SOX5: variants seen among roughly 807,000 people sequenced by gnomAD.
SOX5 encodes the protein transcription factor SOX-5.
SOX5 carries 9 observed loss-of-function variants against 92.0 expected under a neutral mutation model. That is an observed-to-expected ratio of 0.10 (90% CI 0.06 to 0.17). The LOEUF (loss-of-function observed/expected upper bound fraction) is 0.17, where lower values mean the gene tolerates loss of function less well. Among genes scored for constraint, SOX5 ranks in the 10% least tolerant of loss-of-function variants. The pLI is 1.00. For missense variants in SOX5, 642 were observed against 944.5 expected (o/e 0.68, Z 4.20); for synonymous variants, 344 against 336.3 (o/e 1.02, Z -0.25).
intron 8 of SOX5, among the ~76,000 whole-genome samples, chr12:23,613,716 T>C (rs1028944205): frequency 6.6e-6 from 1 of 152,198 alleles, no homozygotes; most frequent in Non-Finnish European, 1.5e-5. Flanking sequence ...TGGTACAACA[T>C]GGATAAACCT....
rs143813930 is a variant in SOX5 at position 24,254,089 on chromosome 12, C to T, written c.-77+23127G>A. 3.7e-3 allele frequency among the ~76,000 whole-genome samples: 557 copies of T among 152,224 alleles called. 8 individuals carry two copies. The highest frequency in any genetic ancestry group is 0.013 in the African/African-American group (536 of 41,546). ...ACATCATCATCATCATCCATTGCTT[C>T]GAAAGCTACAGTTTAGGTGTTGTCA... On this transcript the variant is annotated intron_variant, in intron 3 of 4. Transcript: ENST00000446891.
intron 1 of SOX5, among the ~76,000 whole-genome samples, chr12:23,922,548 T>C (rs577438798): frequency 1.6e-3 from 242 of 152,358 alleles, no homozygotes; most frequent in Non-Finnish European, 1.3e-3. Context: ...CTCTCTGATT[T>C]ACTATATTTT....
chr12:24,562,356 C>G (rs987925328), exon 1 of SOX5: 1 of 152,412 alleles, frequency 6.6e-6, no homozygotes, highest in Non-Finnish European at 1.5e-5. Flanking sequence ...GTTAATGCCT[C>G]CTCCGGCGTG....
intron 4 of SOX5, among the ~76,000 whole-genome samples, chr12:24,154,918 G>A (rs747660991): frequency 6.6e-6 from 1 of 152,042 alleles, no homozygotes; most frequent in Non-Finnish European, 1.5e-5. Context: ...CTTGTCAGAG[G>A]ATTATAAAAG....
chr12:24,228,979 G>T (rs1189336943), intron 3 of SOX5, among the ~76,000 whole-genome samples: 3 of 152,156 alleles, frequency 2.0e-5, no homozygotes, highest in Non-Finnish European at 4.4e-5. Context: ...ACAACAAAGT[G>T]CAAGACCCAT....
intron 2 of SOX5, among the ~76,000 whole-genome samples, chr12:24,351,370 A>G (rs1954069505): frequency 1.3e-5 from 2 of 152,226 alleles, no homozygotes; most frequent in African/African-American, 2.4e-5. Context: ...AAATTATCGA[A>G]TATCTCTATC....
chr12:24,259,290 T>A (rs1018420179), intron 3 of SOX5, among the ~76,000 whole-genome samples: 2 of 152,016 alleles, frequency 1.3e-5, no homozygotes, highest in African/African-American at 4.8e-5. Context: ...AGATTAGGTA[T>A]TCTCAGGCAC....
chr12:24,356,898 A>G (rs1954902185), intron 2 of SOX5, among the ~76,000 whole-genome samples: 1 of 152,232 alleles, frequency 6.6e-6, no homozygotes. Flanking sequence ...CTATTAACCA[A>G]TGAAGAGTTT....
chr12:23,906,171 T>C (rs375875083), intron 1 of SOX5, among the ~76,000 whole-genome samples: 20 of 152,212 alleles, frequency 1.3e-4, no homozygotes, highest in African/African-American at 4.8e-4. Flanking sequence ...CATTTGTCAT[T>C]AATCGCAAAC....
intron 2 of SOX5, among the ~76,000 whole-genome samples, chr12:24,279,135 C>G (rs980595281): frequency 6.6e-6 from 1 of 152,006 alleles, no homozygotes; most frequent in Non-Finnish European, 1.5e-5. Context: ...ATCTTTATGT[C>G]AAGTCAAATT....
intron 1 of SOX5, among the ~76,000 whole-genome samples, chr12:24,505,236 G>A (rs1948605761): frequency 6.6e-6 from 1 of 152,042 alleles, no homozygotes; most frequent in South Asian, 2.1e-4. Flanking sequence ...ATCAGTATTG[G>A]GCTCAACAGA....
intron 2 of SOX5, among the ~76,000 whole-genome samples, chr12:24,354,816 A>G (rs1263050533): frequency 1.3e-5 from 2 of 152,194 alleles, no homozygotes; most frequent in African/African-American, 2.4e-5. Context: ...TAAAGGGCGG[A>G]GCAGTACATT....
chr12:23,861,279 G>A (rs966398850), intron 2 of SOX5, among the ~76,000 whole-genome samples: 1 of 152,126 alleles, frequency 6.6e-6, no homozygotes, highest in Non-Finnish European at 1.5e-5. Context: ...AATGAAATGT[G>A]TCAATATAAA....
chr12:24,526,663 T>C (rs1315003354), intron 1 of SOX5, among the ~76,000 whole-genome samples: 1 of 152,048 alleles, frequency 6.6e-6, no homozygotes, highest in East Asian at 1.9e-4. Context: ...CTCTCTCCCA[T>C]CACTGGGCCC....
chr12:24,434,182 C>T (rs1351809126), intron 1 of SOX5, among the ~76,000 whole-genome samples: 1 of 151,952 alleles, frequency 6.6e-6, no homozygotes, highest in Non-Finnish European at 1.5e-5. Flanking sequence ...CATATTAGTA[C>T]AAATGACATC....
chr12:24,427,207 T>C (rs1182697635), intron 1 of SOX5, among the ~76,000 whole-genome samples: 1 of 152,214 alleles, frequency 6.6e-6, no homozygotes, highest in Non-Finnish European at 1.5e-5. Flanking sequence ...ACATTCTATC[T>C]GGCATGAAAA....
chr12:23,986,343 G>GAAAC (rs201691251), intron 4 of SOX5, among the ~76,000 whole-genome samples: 1 of 151,588 alleles, frequency 6.6e-6, no homozygotes, highest in African/African-American at 2.4e-5. Context: ...AGTTTGCAGG[G>GAAAC]AAACAAACAA....
intron 2 of SOX5, among the ~76,000 whole-genome samples, chr12:24,297,980 C>T (rs985055501): frequency 1.6e-4 from 24 of 152,136 alleles, no homozygotes; most frequent in African/African-American, 5.3e-4. Context: ...CTATTAACCA[C>T]CCTCCCTATG....
chr12:24,537,147 T>A (rs1035962000), intron 1 of SOX5, among the ~76,000 whole-genome samples: 7 of 152,226 alleles, frequency 4.6e-5, no homozygotes, highest in Non-Finnish European at 8.8e-5. Flanking sequence ...AACTGCTCTT[T>A]ATTGAATAAA....
Sources: allele counts gnomAD v4.1 joint callset (sites outside exome capture counted in the v4.1 genomes callset), GRCh38; gene constraint gnomAD v4.1.1; transcripts MANE v1.5; gene names NCBI Gene and HGNC (gene_info 2026-07-23, HGNC 2026-07-21).